The following GIPR variants were observed in gnomAD, a reference collection of about 807,000 sequenced individuals.
GIPR encodes gastric inhibitory polypeptide receptor.
A neutral mutation model predicts 62.2 loss-of-function variants in GIPR; 74 were observed. The ratio of observed to expected loss-of-function variants is 1.19; its 90% CI spans 0.99 to 1.44. The LOEUF is 1.44. Ranked by LOEUF, GIPR falls within the 40% of genes most tolerant of loss-of-function variation. The pLI, the probability that GIPR is intolerant of heterozygous loss-of-function variation, is 0.00. For synonymous variants in GIPR, 256 were observed against 262.2 expected (o/e 0.98, Z 0.23); for missense variants, 664 against 611.8 (o/e 1.09, Z -0.90).
chr19:45,669,458 T>A lies in GIPR; in HGVS notation c.-44-19T>A, dbSNP rs1975421999. On this transcript the variant is annotated intron_variant, in intron 1 of 13. Coordinates refer to ENST00000590918, the MANE Select transcript of GIPR (RefSeq NM_000164.4). The stretch of plus-strand genomic sequence containing the variant: ...GAGTAGGAGGGCAGAGGTGCTGACC[T>A]TGCCCTGGGACCCTCCAGGCCTGAT... 6.5e-7 allele frequency: 1 copy of A among 1,539,852 alleles called. No individual in the cohort carries two copies. The highest frequency in any genetic ancestry group is 8.7e-7 in the Non-Finnish European group (1 of 1,146,360).
intron 1 of GIPR, 40 bp from the exon 2 acceptor site, chr19:45,669,437 A>G: frequency 6.5e-7 from 1 of 1,527,132 alleles, no homozygotes; most frequent in Non-Finnish European, 8.8e-7. Flanking sequence ...GGGTTGGAGT[A>G]GGAGGGCAGA....
intron 7 of GIPR, 136 bp downstream of exon 7, chr19:45,674,962 T>C (rs1975757178): frequency 1.1e-6 from 1 of 895,988 alleles, no homozygotes; most frequent in Non-Finnish European, 1.9e-6. Flanking sequence ...CAAATGTGTC[T>C]TGGGGTGGGG....
intron 6 of GIPR, 146 bp from the exon 7 acceptor site, chr19:45,674,536 G>C (rs900544280): frequency 2.7e-6 from 2 of 737,536 alleles, no homozygotes; most frequent in African/African-American, 3.5e-5. Flanking sequence ...GAGCTCAGGA[G>C]GTTGAGGCTG....
Position 45,678,087 on chromosome 19 carries a change from G to A in GIPR, c.1014-1G>A, listed in dbSNP as rs373214901. The A allele has an allele frequency of 6.8e-6, 11 of 1,612,474 alleles. No homozygotes were observed. In the East Asian group the frequency reaches 1.8e-4, roughly 26 times the overall value. ...TCACTGCTGCCGCCCTCTCTCCCCAGGCTGGCTCGCTCCACGCTGACGCTG... is the reference window on the plus strand; with the variant it reads ...TCACTGCTGCCGCCCTCTCTCCCCAAGCTGGCTCGCTCCACGCTGACGCTG... On this transcript the variant is annotated splice_acceptor_variant, in intron 11 of 13. Coordinates refer to ENST00000590918, the MANE Select transcript of GIPR (RefSeq NM_000164.4). LOFTEE classifies it high-confidence loss of function.
In GIPR at chr19:45,670,650, CAGACGGCGGGGG is replaced by C. The variant is rs1975484918; in HGVS notation, c.91_102del (p.Thr31_Glu34del). The C allele has an allele frequency of 4.3e-6, 7 of 1,612,854 alleles. No individual in the cohort carries two copies. The South Asian group carries it at 6.6e-5, about 15-fold the overall frequency. Reference sequence around the variant, plus strand: ...CTTTTCCTAGACAGGCTCTAAGGGGCAGACGGCGGGGGAGCTGTACCAGCGCTGGGAACGGTA... The same window carrying C: ...CTTTTCCTAGACAGGCTCTAAGGGGCAGCTGTACCAGCGCTGGGAACGGTA... On this transcript the variant is annotated inframe_deletion, in exon 3 of 14. Transcript: ENST00000590918.
chr19:45,681,781 T>C lies in GIPR; in HGVS notation c.1247T>C (p.Leu416Pro), dbSNP rs895070635. 1 of 1,597,914 alleles carries C rather than the reference T, an allele frequency of 6.3e-7. No homozygotes were observed. Among genetic ancestry groups the C allele is most frequent in the African/African-American group, 1.3e-5 (1 of 74,642 alleles). ...CACCACTGCCGCCTGCGCCGCAGCC[T>C]GGGCGAGGAGCAACGCCAGCTCCCG... is the stretch of plus-strand genomic sequence containing the variant. ...GWHHCRLRRS[L>P]GEEQRQLPER... Residue 416 changes from leucine (L) to proline (P), a missense_variant, in exon 14 of 14, where the codon CTG becomes CCG. Coordinates refer to ENST00000590918, the MANE Select transcript of GIPR (RefSeq NM_000164.4).
intron 4 of GIPR, 74 bp from the exon 5 acceptor site, chr19:45,672,777 T>C (rs1975609488): frequency 1.2e-6 from 1 of 864,256 alleles, no homozygotes; most frequent in East Asian, 2.5e-5. Context: ...CTCTCTGTTA[T>C]TGTCTCACAG....
At position 45,670,735 on chromosome 19, in the gene GIPR, G is replaced by A; in HGVS notation, c.172+1G>A. The A allele has an allele frequency of 6.3e-7, 1 of 1,591,782 alleles. No homozygotes were observed. On this transcript the variant is annotated splice_donor_variant, in intron 3 of 13. Transcript: ENST00000590918. LOFTEE classifies it high-confidence loss of function. ...TTGGCAGCCGCGGAACCGCCTTCAG[G>A]TGTGACCAGGAGGGCTGGGGACGCG... is the stretch of plus-strand genomic sequence containing the variant.
At position 45,678,108 on chromosome 19, in the gene GIPR, C is replaced by T; in HGVS notation, c.1034C>T (p.Thr345Met). ...YRLRLARSTL[T>M]LVPLLGVHEV... is the part of the protein sequence containing the mutation. ...CCCAGGCTGGCTCGCTCCACGCTGACGCTGGTGCCCCTGCTGGGTGTCCAC... is the reference window on the plus strand; with the variant it reads ...CCCAGGCTGGCTCGCTCCACGCTGATGCTGGTGCCCCTGCTGGGTGTCCAC... The change falls in exon 12 of 14, where the codon ACG (threonine) becomes ATG (methionine). Residue 345 changes from threonine to methionine, a missense_variant. Thr to Met is a moderately conservative substitution (Grantham distance 81). Coordinates refer to ENST00000590918, the MANE Select transcript of GIPR (RefSeq NM_000164.4). 1 of 1,612,756 alleles carries T rather than the reference C, an allele frequency of 6.2e-7. No individual in the cohort carries two copies. Among genetic ancestry groups the T allele is most frequent in the Non-Finnish European group, 8.5e-7 (1 of 1,179,908 alleles).
At chr19:45,669,114 C>G (rs192625523) in intron 1 of GIPR, among the ~76,000 whole-genome samples, 33 of 97,344 alleles carry the variant, frequency 3.4e-4, no homozygotes, top group Admixed American at 1.8e-3. Flanking sequence ...TCCCCGGGTT[C>G]CCAGGAGTCT....
Position 45,676,988 on chromosome 19 carries a change from T to G in GIPR, c.673T>G (p.Tyr225Asp), listed in dbSNP as rs951907131. 1 of 1,614,096 alleles carries G rather than the reference T, an allele frequency of 6.2e-7. No homozygotes were observed. Among genetic ancestry groups the G allele is most frequent in the Non-Finnish European group, 8.5e-7 (1 of 1,179,978 alleles). ...ACRTAQIVTQ[Y>D]CVGANYTWLL... ...CCGCACGGCCCAGATCGTGACCCAG[T>G]ACTGCGTGGGTGCCAACTACACGTG... Residue 225 changes from tyrosine (Y) to aspartate (D), a missense_variant, in exon 8 of 14, where the codon TAC becomes GAC. Coordinates refer to ENST00000590918, the MANE Select transcript of GIPR (RefSeq NM_000164.4).
chr19:45,670,858 G>T, intron 3 of GIPR, 124 bp downstream of exon 3: 2 of 651,684 alleles, frequency 3.1e-6, no homozygotes, highest in Admixed American at 2.7e-5. Flanking sequence ...GAGGCCCGGG[G>T]ACTGACCTGA....
In GIPR at chr19:45,677,579, T is replaced by C. The variant is rs373776266; in HGVS notation, c.855-131T>C. The C allele has an allele frequency of 5.4e-5, 47 of 876,524 alleles. No homozygotes were observed. In the African/African-American group the frequency reaches 7.3e-4, roughly 14 times the overall value. The allele number at this position is 876,524 out of a possible 1,614,324, so 54.3% of individuals were successfully genotyped here. Reference sequence around the variant, plus strand: ...GCAAGGGGAGGGGGTGGGGCCTGGATCGTAATGGGCGGGACCTTAGAGAAT... The same window carrying C: ...GCAAGGGGAGGGGGTGGGGCCTGGACCGTAATGGGCGGGACCTTAGAGAAT... On this transcript the variant is annotated intron_variant, in intron 9 of 13. Coordinates refer to ENST00000590918, the MANE Select transcript of GIPR (RefSeq NM_000164.4).
intron 5 of GIPR, among the ~76,000 whole-genome samples, chr19:45,673,546 A>G (rs988685480): frequency 6.6e-6 from 1 of 152,084 alleles, no homozygotes; most frequent in South Asian, 2.1e-4. Flanking sequence ...CCTGGGTAAC[A>G]TAGTGAAACT....
chr19:45,678,773 G>C (rs946787633), intron 12 of GIPR, among the ~76,000 whole-genome samples: 1 of 152,258 alleles, frequency 6.6e-6, no homozygotes, highest in Non-Finnish European at 1.5e-5. Flanking sequence ...TGCTAGTGAA[G>C]AGTGAGGGCT....
At position 45,683,582 on chromosome 19, in the gene GIPR, G is replaced by A. The variant is rs1232618720; in HGVS notation, c.*1647G>A. 6.6e-6 allele frequency: 1 copy of A among 152,222 alleles called. No individual in the cohort carries two copies. The highest frequency in any genetic ancestry group is 2.4e-5 in the African/African-American group (1 of 41,436). 9.4% of individuals were successfully genotyped at this position (152,222 alleles called of 1,614,324 possible). ...TTTCCCTGGGGTCTGTGGCTCCCTGGACCGACATGCCCCAAAGCTGAACTC... is the reference window on the plus strand; with the variant it reads ...TTTCCCTGGGGTCTGTGGCTCCCTGAACCGACATGCCCCAAAGCTGAACTC... On this transcript the variant is annotated 3_prime_UTR_variant, in exon 14 of 14. Coordinates refer to ENST00000590918, the MANE Select transcript of GIPR (RefSeq NM_000164.4).
Position 45,670,654 on chromosome 19 carries a change from C to A in GIPR, c.92C>A (p.Thr31Lys). 1.9e-6 allele frequency: 3 copies of A among 1,613,008 alleles called. No homozygotes were observed. The highest frequency in any genetic ancestry group is 2.5e-6 in the Non-Finnish European group (3 of 1,179,426). The change falls in exon 3 of 14, where the codon ACG becomes AAG. Residue 31 changes from threonine to lysine, a missense_variant. Coordinates refer to ENST00000590918, the MANE Select transcript of GIPR (RefSeq NM_000164.4). ...QRAETGSKGQ[T>K]AGELYQRWER... Reference sequence around the variant, plus strand: ...TCCTAGACAGGCTCTAAGGGGCAGACGGCGGGGGAGCTGTACCAGCGCTGG... The same window carrying A: ...TCCTAGACAGGCTCTAAGGGGCAGAAGGCGGGGGAGCTGTACCAGCGCTGG...
intron 7 of GIPR, among the ~76,000 whole-genome samples, chr19:45,676,201 TA>T (rs34622373): frequency 0.057 from 6,556 of 114,458 alleles, 436 homozygotes; most frequent in East Asian, 0.32. Flanking sequence ...AGGCTCCGTC[TA>T]AAAAAAAAAA....
chr19:45,672,819 G>C, intron 4 of GIPR, 32 bp from the exon 5 acceptor site: 1 of 1,297,242 alleles, frequency 7.7e-7, no homozygotes, highest in Non-Finnish European at 1.1e-6. Flanking sequence ...CTTTCTCTGT[G>C]TGCCTTAATT....
Sources: gnomAD v4.1 joint callset for allele counts (sites outside exome capture counted in the v4.1 genomes callset) on GRCh38, gnomAD v4.1.1 for gene constraint, MANE v1.5 for transcripts, NCBI Gene and HGNC (gene_info 2026-07-23, HGNC 2026-07-21) for gene names.